Variants in HTR1F observed in about 807,000 individuals in gnomAD.
HTR1F encodes the protein 5-hydroxytryptamine receptor 1F.
HTR1F carries 17 observed loss-of-function variants against 24.0 expected under a neutral mutation model. The observed-to-expected ratio is 0.71, with a 90% confidence interval of 0.48 to 1.06. The LOEUF is 1.06. Among genes scored for constraint, HTR1F ranks in the 50% least tolerant of loss-of-function variants. The pLI is 0.00. For synonymous variants in HTR1F, 186 were observed against 156.8 expected, an observed-to-expected ratio of 1.19 and a Z score of -1.39; for missense variants, 391 against 427.8, an observed-to-expected ratio of 0.91 and a Z score of 0.76.
chr3:87,836,521 A>G (rs2171821), intron 2 of HTR1F, among the ~76,000 whole-genome samples: 67,427 of 151,632 alleles, frequency 0.44, 18,574 homozygotes, highest in African/African-American at 0.79. Flanking sequence ...TCCAGTAAGC[A>G]TTGAATAAAG....
intron 2 of HTR1F, among the ~76,000 whole-genome samples, chr3:87,887,748 T>C (rs1445819515): frequency 6.6e-6 from 1 of 152,128 alleles, no homozygotes; most frequent in African/African-American, 2.4e-5. Flanking sequence ...ATCAGAGAAA[T>C]GCAAATCAAA....
At chr3:87,879,096 C>G (rs1705730983) in intron 2 of HTR1F, among the ~76,000 whole-genome samples, 1 of 152,088 alleles carries the variant, frequency 6.6e-6, no homozygotes, top group African/African-American at 2.4e-5. Context: ...TGAATTTCTT[C>G]TTGGCTACCT....
At chr3:87,982,686 G>A (rs6781226) in intron 2 of HTR1F, among the ~76,000 whole-genome samples, 90,793 of 151,948 alleles carry the variant, frequency 0.6, 27,376 homozygotes, top group South Asian at 0.73. Context: ...GTGGGCCCTA[G>A]TGAAGGTAAA....
intron 2 of HTR1F, among the ~76,000 whole-genome samples, chr3:87,868,342 T>C (rs1417799710): frequency 1.3e-5 from 2 of 152,060 alleles, no homozygotes; most frequent in East Asian, 3.8e-4. Context: ...TTTCTCTGAT[T>C]GAAATTTGAA....
chr3:87,860,529 G>T (rs190725431), intron 2 of HTR1F, among the ~76,000 whole-genome samples: 2 of 151,940 alleles, frequency 1.3e-5, no homozygotes, highest in Non-Finnish European at 1.5e-5. Flanking sequence ...TTATTTTCTA[G>T]GTTCAAAGTC....
chr3:87,916,311 A>G (rs1479899765), intron 2 of HTR1F, among the ~76,000 whole-genome samples: 19 of 48,730 alleles, frequency 3.9e-4, no homozygotes, highest in African/African-American at 3.4e-3. Flanking sequence ...GCAAAAAAGA[A>G]AAAAAAAAAA....
intron 2 of HTR1F, among the ~76,000 whole-genome samples, chr3:87,938,026 A>G (rs1325265087): frequency 1.3e-5 from 2 of 152,190 alleles, no homozygotes; most frequent in Non-Finnish European, 1.5e-5. Context: ...ACATGATTCT[A>G]TATGTAGACA....
At chr3:87,990,211 G>A (rs1169580816) in intron 2 of HTR1F, among the ~76,000 whole-genome samples, 1 of 152,080 alleles carries the variant, frequency 6.6e-6, no homozygotes, top group Non-Finnish European at 1.5e-5. Context: ...CATGCTTCAA[G>A]CCTAGGAAAA....
At chr3:87,890,242 C>T (rs916352808) in intron 2 of HTR1F, among the ~76,000 whole-genome samples, 2 of 152,172 alleles carry the variant, frequency 1.3e-5, no homozygotes, top group Non-Finnish European at 2.9e-5. Context: ...TGCATTAACA[C>T]ACTGAAATAC....
intron 2 of HTR1F, among the ~76,000 whole-genome samples, chr3:87,834,700 T>G (rs1336895222): frequency 1.3e-5 from 2 of 152,336 alleles, no homozygotes; most frequent in East Asian, 3.9e-4. Flanking sequence ...TGCCTATTTT[T>G]CTATATCCCT....
chr3:87,969,742 G>C (rs1705247090), intron 2 of HTR1F, among the ~76,000 whole-genome samples: 1 of 152,142 alleles, frequency 6.6e-6, no homozygotes, highest in African/African-American at 2.4e-5. Flanking sequence ...TAAATGTGAG[G>C]ACATGAGATT....
rs563820790 is a variant in HTR1F, at chr3:87,950,680, G to C, written c.-42-40028G>C. Among the ~76,000 whole-genome samples the C allele has an allele frequency of 3.9e-5, 6 of 152,236 alleles. No individual in the cohort carries two copies. The East Asian group carries it at 9.6e-4, about 24-fold the overall frequency. ...GAATGGCAAGTCATCAGTGCATTTG[G>C]TATGGGAAGAGGAAAGGGGAGCTTT... On this transcript the variant is annotated intron_variant, in intron 2 of 2. Transcript: ENST00000319595.
intron 2 of HTR1F, among the ~76,000 whole-genome samples, chr3:87,986,111 G>A (rs537793451): frequency 6.6e-6 from 1 of 152,258 alleles, no homozygotes; most frequent in East Asian, 1.9e-4. Flanking sequence ...AGGGACATAT[G>A]TAGCATACTC....
At chr3:87,953,095 A>T (rs1017885999) in intron 2 of HTR1F, among the ~76,000 whole-genome samples, 4 of 151,850 alleles carry the variant, frequency 2.6e-5, no homozygotes, top group African/African-American at 9.7e-5. Flanking sequence ...AAACTATTAA[A>T]CTACTAGAAT....
chr3:87,991,218 C>A lies in HTR1F; in HGVS notation c.469C>A (p.Pro157Thr). 1.2e-6 allele frequency: 2 copies of A among 1,613,914 alleles called. No individual in the cohort carries two copies. The highest frequency in any genetic ancestry group is 1.7e-6 in the Non-Finnish European group (2 of 1,179,940). The change falls in exon 3 of 3, where the codon CCT becomes ACT. Residue 157 changes from proline (P) to threonine (T), a missense_variant. Transcript: ENST00000319595. ...VWIISVFISM[P>T]PLFWRHQGTS... ...GATTATATCTGTTTTTATCTCTATG[C>A]CTCCTCTATTCTGGAGGCACCAAGG... is the stretch of plus-strand genomic sequence containing the variant.
chr3:87,899,050 A>G (rs370149762), intron 2 of HTR1F, among the ~76,000 whole-genome samples: 1 of 152,226 alleles, frequency 6.6e-6, no homozygotes, highest in African/African-American at 2.4e-5. Flanking sequence ...GGAAGTAAGC[A>G]TTGACATTAA....
At chr3:87,907,922 A>T (rs1444841767) in intron 2 of HTR1F, among the ~76,000 whole-genome samples, 1 of 152,062 alleles carries the variant, frequency 6.6e-6, no homozygotes, top group Non-Finnish European at 1.5e-5. Flanking sequence ...ACAAATTAGT[A>T]TAAGTTTCTG....
intron 2 of HTR1F, among the ~76,000 whole-genome samples, chr3:87,978,323 C>T (rs1291437702): frequency 2.0e-5 from 3 of 152,192 alleles, no homozygotes; most frequent in Non-Finnish European, 4.4e-5. Context: ...CTTGATGAGT[C>T]GGGGAGCTGT....
intron 2 of HTR1F, among the ~76,000 whole-genome samples, chr3:87,974,309 A>G (rs200201149): frequency 6.6e-6 from 1 of 152,214 alleles, no homozygotes; most frequent in East Asian, 1.9e-4. Context: ...AAATCCGCCA[A>G]GATTTTTCCA....
Sources: gnomAD v4.1 joint callset for allele counts (sites outside exome capture counted in the v4.1 genomes callset) on GRCh38, gnomAD v4.1.1 for gene constraint, MANE v1.5 for transcripts, NCBI Gene and HGNC (gene_info 2026-07-23, HGNC 2026-07-21) for gene names.